Variants in LAP3 observed in about 807,000 individuals in gnomAD.
The protein encoded by LAP3 is cytosol aminopeptidase.
LAP3 carries 46 observed loss-of-function variants against 58.8 expected under a neutral mutation model. The ratio of observed to expected loss-of-function variants is 0.78; its 90% CI spans 0.62 to 1.00. LAP3 has a LOEUF of 1.00. LAP3 is among the 50% of genes least tolerant of loss of function. LAP3 has a pLI of 0.00. For missense variants in LAP3, 615 were observed against 659.1 expected, an observed-to-expected ratio of 0.93 and a Z score of 0.73; for synonymous variants, 257 against 237.7, an observed-to-expected ratio of 1.08 and a Z score of -0.75.
intron 10 of LAP3, 65 bp from the exon 11 acceptor site, chr4:17,604,522 TG>T: frequency 9.1e-7 from 1 of 1,100,024 alleles, no homozygotes; most frequent in South Asian, 1.3e-5. Flanking sequence ...GGTTTCCATC[TG>T]GGTGGCGGAG....
At chr4:17,583,734 C>A in intron 5 of LAP3, 92 bp downstream of exon 5, 2 of 1,415,038 alleles carry the variant, frequency 1.4e-6, no homozygotes, top group Non-Finnish European at 2.0e-6. Context: ...TCAGCGCCAC[C>A]CACAGCTGCG....
intron 6 of LAP3, chr4:17,587,510 T>C (rs972981746): frequency 1.3e-5 from 2 of 152,006 alleles, no homozygotes; most frequent in Admixed American, 6.6e-5. Flanking sequence ...AGTGTGCTGG[T>C]CATCCCACCA....
chr4:17,577,398 C>G lies in LAP3; in HGVS notation c.-68C>G. The G allele has an allele frequency of 7.8e-7, 1 of 1,285,828 alleles. No individual in the cohort carries two copies. Among genetic ancestry groups the G allele is most frequent in the South Asian group, 1.5e-5 (1 of 65,416 alleles). The allele number at this position is 1,285,828 out of a possible 1,614,324, so 79.7% of individuals were successfully genotyped here. On this transcript the variant is annotated 5_prime_UTR_variant, in exon 1 of 13. Coordinates refer to ENST00000226299, the MANE Select transcript of LAP3 (RefSeq NM_015907.3). ...CGTCTGCGCCCCGAAAGCCCCGCCC[C>G]AAGGCGCGCCCGCCCACCGCTCTCC... is the stretch of plus-strand genomic sequence containing the variant.
In LAP3 at chr4:17,598,504, T is replaced by C; in HGVS notation, c.1126T>C (p.Cys376Arg). The change falls in exon 10 of 13, where the codon TGT (cysteine) becomes CGT (arginine). Residue 376 changes from cysteine to arginine, a missense_variant. Physicochemically the swap from Cys to Arg is radical, Grantham distance 180 (BLOSUM62 -3). Transcript: ENST00000226299. ...GAGGCTCATACTGGCTGATGCGCTCTGTTACGCACACACGTTTAACCCGAA... is the reference window on the plus strand; with the variant it reads ...GAGGCTCATACTGGCTGATGCGCTCCGTTACGCACACACGTTTAACCCGAA... ...EGRLILADAL[C>R]YAHTFNPKVI... The C allele has an allele frequency of 1.2e-6, 2 of 1,614,206 alleles. No homozygotes were observed. Among genetic ancestry groups the C allele is most frequent in the Non-Finnish European group, 1.7e-6 (2 of 1,180,036 alleles).
intron 11 of LAP3, among the ~76,000 whole-genome samples, chr4:17,605,413 CAT>C (rs1491430964): frequency 3.3e-5 from 5 of 152,214 alleles, no homozygotes; most frequent in African/African-American, 7.2e-5. Context: ...CCAGCCAACA[CAT>C]GTTGCCTGAT....
rs1337516648 is a variant in LAP3, at chr4:17,593,922, G to GT, written c.864-1482dup. Among the ~76,000 whole-genome samples, 4 of 151,974 alleles carry GT rather than the reference G, an allele frequency of 2.6e-5. No individual in the cohort carries two copies. In the East Asian group the frequency reaches 5.8e-4, roughly 22 times the overall value. ...GCCACCACACTCGGTGAATCTGCTT[G>GT]TTTTTTCACACAACAAAACCTACTG... On this transcript the variant is annotated intron_variant, in intron 7 of 12. Transcript: ENST00000226299.
At chr4:17,607,055 G>A (rs1714160331) in intron 12 of LAP3, 117 bp downstream of exon 12, 3 of 624,098 alleles carry the variant, frequency 4.8e-6, no homozygotes, top group Non-Finnish European at 8.0e-6. Flanking sequence ...TTTTGGTGTA[G>A]TGCTTGTAAG....
At chr4:17,580,940 G>A (rs536367959) in intron 2 of LAP3, among the ~76,000 whole-genome samples, 3 of 152,254 alleles carry the variant, frequency 2.0e-5, no homozygotes, top group East Asian at 1.9e-4. Flanking sequence ...ACTAATAATC[G>A]GTTAAGAGAA....
intron 5 of LAP3, among the ~76,000 whole-genome samples, 168 bp downstream of exon 5, chr4:17,583,810 C>G (rs1713430252): frequency 6.6e-6 from 1 of 152,186 alleles, no homozygotes; most frequent in Non-Finnish European, 1.5e-5. Flanking sequence ...TAAGCCCAAG[C>G]TCTGCTCCTG....
rs1577218717 is a variant in LAP3, at chr4:17,582,261, G to A, written c.274-27G>A. On this transcript the variant is annotated intron_variant, in intron 3 of 12. Transcript: ENST00000226299. ...AATGAATGCTTGAAAGAAATAAAGT[G>A]GTTGATTTGGTGTATCTGTGGGACA... is the stretch of plus-strand genomic sequence containing the variant. 2.6e-6 allele frequency: 4 copies of A among 1,553,198 alleles called. No homozygotes were observed. The East Asian group carries it at 9.0e-5, about 35-fold the overall frequency.
chr4:17,580,159 G>A (rs56141580), intron 2 of LAP3, among the ~76,000 whole-genome samples: 1,635 of 57,616 alleles, frequency 0.028, 118 homozygotes, highest in African/African-American at 0.15. Flanking sequence ...CACCACTCCC[G>A]GCTTTCATAT....
intron 10 of LAP3, among the ~76,000 whole-genome samples, chr4:17,599,882 C>T (rs2109023406): frequency 6.6e-6 from 1 of 152,246 alleles, no homozygotes; most frequent in Non-Finnish European, 1.5e-5. Flanking sequence ...TAGCCGTGGG[C>T]AAGTTTCTTG....
At chr4:17,598,305 A>G (rs1713883764) in intron 9 of LAP3, 151 bp from the exon 10 acceptor site, 1 of 690,822 alleles carries the variant, frequency 1.4e-6, no homozygotes, top group Admixed American at 2.1e-5. Context: ...CAGATTAGAT[A>G]TGTTCCTATT....
At chr4:17,590,618 C>T (rs1181929330) in intron 7 of LAP3, among the ~76,000 whole-genome samples, 1 of 152,182 alleles carries the variant, frequency 6.6e-6, no homozygotes, top group Non-Finnish European at 1.5e-5. Context: ...GTTGCCCAGG[C>T]TGGAGTGCAG....
chr4:17,607,288 G>A, intron 12 of LAP3, 112 bp from the exon 13 acceptor site: 1 of 804,170 alleles, frequency 1.2e-6, no homozygotes, highest in Non-Finnish European at 2.0e-6. Context: ...ATCTTAATAG[G>A]TCTTACAAGC....
intron 2 of LAP3, 103 bp from the exon 3 acceptor site, chr4:17,581,657 G>A (rs1713366346): frequency 2.6e-6 from 2 of 756,354 alleles, no homozygotes; most frequent in Admixed American, 2.3e-5. Flanking sequence ...GACCATGGAA[G>A]CAGTTAGCAG....
intron 7 of LAP3, among the ~76,000 whole-genome samples, chr4:17,590,792 G>A (rs969882159): frequency 6.6e-6 from 1 of 151,922 alleles, no homozygotes; most frequent in East Asian, 1.9e-4. Flanking sequence ...AGGTGGTCTC[G>A]ATCTCCTGAC....
At position 17,598,508 on chromosome 4, in the gene LAP3, A is replaced by T. The variant is rs757409218; in HGVS notation, c.1130A>T (p.Tyr377Phe). The change falls in exon 10 of 13, where the codon TAC becomes TTC. Residue 377 changes from tyrosine to phenylalanine, a missense_variant. Coordinates refer to ENST00000226299, the MANE Select transcript of LAP3 (RefSeq NM_015907.3). ...GRLILADALCYAHTFNPKVIL... is the reference protein window; with the variant it reads ...GRLILADALCFAHTFNPKVIL... ...CTCATACTGGCTGATGCGCTCTGTTACGCACACACGTTTAACCCGAAGGTC... is the reference window on the plus strand; with the variant it reads ...CTCATACTGGCTGATGCGCTCTGTTTCGCACACACGTTTAACCCGAAGGTC... 3 of 1,614,132 alleles carry T rather than the reference A, an allele frequency of 1.9e-6. No homozygotes were observed. In the South Asian group the frequency reaches 3.3e-5, roughly 18 times the overall value.
At chr4:17,583,085 T>G (rs1467942240) in intron 4 of LAP3, among the ~76,000 whole-genome samples, 1 of 152,226 alleles carries the variant, frequency 6.6e-6, no homozygotes, top group Non-Finnish European at 1.5e-5. Context: ...TGGACTTTGC[T>G]CAGTTCTTTG....
Sources: allele counts gnomAD v4.1 joint callset (sites outside exome capture counted in the v4.1 genomes callset), GRCh38; gene constraint gnomAD v4.1.1; transcripts MANE v1.5; gene names NCBI Gene and HGNC (gene_info 2026-07-23, HGNC 2026-07-21).